The following TENM3 variants were observed in gnomAD, a reference collection of about 807,000 sequenced individuals.
The protein encoded by TENM3 is teneurin-3.
A neutral mutation model predicts 255.1 loss-of-function variants in TENM3; 63 were observed. That is an observed-to-expected ratio of 0.25 (90% CI 0.20 to 0.30). The LOEUF (loss-of-function observed/expected upper bound fraction) is 0.30, where lower values mean the gene tolerates loss of function less well. TENM3 is among the 10% of genes least tolerant of loss of function. The pLI, the probability that TENM3 is intolerant of heterozygous loss-of-function variation, is 1.00. For missense variants in TENM3, 2,929 were observed against 3,461.1 expected (o/e 0.85, Z 3.86); for synonymous variants, 1,306 against 1,322.3 (o/e 0.99, Z 0.27).
At chr4:181,546,701 G>A in the TENM3 span, among the ~76,000 whole-genome samples, 5 of 132,794 alleles carry the variant, frequency 3.8e-5, no homozygotes, top group Admixed American at 1.6e-4. Context: ...GCGACAGAGC[G>A]AGACTCCGTC....
the TENM3 span, among the ~76,000 whole-genome samples, chr4:181,673,794 G>C: frequency 6.6e-6 from 1 of 151,434 alleles, no homozygotes; most frequent in Admixed American, 6.6e-5. Context: ...ATTTCCATAG[G>C]GAGATTTTGA....
chr4:182,386,616 T>C (rs1008501027), intron 3 of TENM3, among the ~76,000 whole-genome samples: 1 of 150,620 alleles, frequency 6.6e-6, no homozygotes, highest in African/African-American at 2.4e-5. Context: ...CCAGCTGTAG[T>C]TCCGGGTGGG....
the TENM3 span, among the ~76,000 whole-genome samples, chr4:181,510,313 A>G: frequency 6.7e-6 from 1 of 150,302 alleles, no homozygotes; most frequent in Admixed American, 6.6e-5. Flanking sequence ...GAACAAGTAG[A>G]AAAAAAAAAT....
chr4:181,546,557 T>G, the TENM3 span, among the ~76,000 whole-genome samples: 1 of 129,772 alleles, frequency 7.7e-6, no homozygotes. Context: ...CTACTAAAAA[T>G]ACAAAAATTA....
At chr4:182,702,787 G>C (rs28607842) in intron 12 of TENM3, among the ~76,000 whole-genome samples, 41,735 of 151,314 alleles carry the variant, frequency 0.28, 6,249 homozygotes, top group Non-Finnish European at 0.34. Context: ...GCCCAGGCTG[G>C]AGTGCAGTGG....
At chr4:182,617,439 C>T (rs1749646017) in intron 4 of TENM3, among the ~76,000 whole-genome samples, 1 of 152,024 alleles carries the variant, frequency 6.6e-6, no homozygotes. Context: ...ACATTTAATC[C>T]ACAAGTGTGG....
intron 19 of TENM3, among the ~76,000 whole-genome samples, chr4:182,748,201 TCTTAA>T (rs1762142133): frequency 6.6e-6 from 1 of 152,188 alleles, no homozygotes; most frequent in Non-Finnish European, 1.5e-5. Flanking sequence ...TACTAAAGGT[TCTTAA>T]CTTGATCTCA....
At chr4:182,491,434 C>T (rs1224733774) in intron 3 of TENM3, among the ~76,000 whole-genome samples, 6 of 151,662 alleles carry the variant, frequency 4.0e-5, no homozygotes, top group East Asian at 1.9e-4. Context: ...TTACAATTTA[C>T]GATCAAACTC....
the TENM3 span, among the ~76,000 whole-genome samples, chr4:182,099,385 A>C: frequency 6.6e-6 from 1 of 152,194 alleles, no homozygotes; most frequent in African/African-American, 2.4e-5. Flanking sequence ...TTCTATTGTA[A>C]AATATAAATG....
chr4:182,088,238 G>A, the TENM3 span, among the ~76,000 whole-genome samples: 5 of 152,142 alleles, frequency 3.3e-5, no homozygotes, highest in South Asian at 2.1e-4. Context: ...TTATGAGTAC[G>A]AAAATAAGCA....
At chr4:181,796,787 A>G in the TENM3 span, among the ~76,000 whole-genome samples, 1 of 152,164 alleles carries the variant, frequency 6.6e-6, no homozygotes, top group Non-Finnish European at 1.5e-5. Context: ...AAGGCGGACA[A>G]CCTCAACTAA....
chr4:181,792,474 T>C, the TENM3 span, among the ~76,000 whole-genome samples: 8 of 152,288 alleles, frequency 5.3e-5, no homozygotes, highest in East Asian at 1.5e-3. Context: ...TAAGTCTACA[T>C]TGTGGTATTA....
chr4:181,983,493 GC>G, the TENM3 span, among the ~76,000 whole-genome samples: 2 of 152,092 alleles, frequency 1.3e-5, no homozygotes, highest in Non-Finnish European at 2.9e-5. Context: ...TTCTGTCTCA[GC>G]AACAGAAACA....
the TENM3 span, among the ~76,000 whole-genome samples, chr4:181,761,265 G>A: frequency 3.9e-5 from 6 of 152,050 alleles, no homozygotes; most frequent in Non-Finnish European, 4.4e-5. Context: ...AATAAAAATC[G>A]TGCTTATACA....
chr4:182,301,472 A>G (rs1324955522), intron 1 of TENM3, among the ~76,000 whole-genome samples: 1 of 152,228 alleles, frequency 6.6e-6, no homozygotes, highest in East Asian at 1.9e-4. Context: ...ACAGAGGCTG[A>G]AGTTAATTGA....
chr4:181,463,100 T>A, the TENM3 span, among the ~76,000 whole-genome samples: 1 of 152,196 alleles, frequency 6.6e-6, no homozygotes, highest in Non-Finnish European at 1.5e-5. Context: ...CTACAAGACC[T>A]TTATGGTCAG....
chr4:182,664,414 A>G (rs1280174622), intron 6 of TENM3, among the ~76,000 whole-genome samples: 1 of 152,178 alleles, frequency 6.6e-6, no homozygotes, highest in East Asian at 1.9e-4. Context: ...CATCCCCACC[A>G]TCTTTCTCTT....
chr4:182,385,543 G>C (rs1212046564), intron 3 of TENM3, among the ~76,000 whole-genome samples: 2 of 152,116 alleles, frequency 1.3e-5, no homozygotes, highest in Non-Finnish European at 2.9e-5. Context: ...GGGATTATAG[G>C]CGTGAGCCAC....
rs1561153040 is a variant in TENM3, at chr4:182,161,738, AATATATGTGTAT to A, written c.-76+16991_-76+17002del. On this transcript the variant is annotated intron_variant, in intron 1 of 2. Coordinates refer to the TENM3 transcript ENST00000512480. The stretch of plus-strand genomic sequence containing the variant: ...ATATATGTGTATATATATATACACA[AATATATGTGTAT>A]ATATATACATATATATGTGTATATA... Among the ~76,000 whole-genome samples, 39 of 42,544 alleles carry A rather than the reference AATATATGTGTAT, an allele frequency of 9.2e-4. 15 individuals carry two copies. Among genetic ancestry groups the A allele is most frequent in the Non-Finnish European group, 1.4e-3 (31 of 22,554 alleles). 27.9% of individuals were successfully genotyped at this position (42,544 alleles called of 152,430 possible). A position where few individuals can be genotyped will look rare whatever the true frequency, so the allele number is the denominator to read the frequency against.
Sources: allele counts gnomAD v4.1 joint callset (sites outside exome capture counted in the v4.1 genomes callset), GRCh38; gene constraint gnomAD v4.1.1; transcripts MANE v1.5; gene names NCBI Gene and HGNC (gene_info 2026-07-23, HGNC 2026-07-21).